The following R3HCC1L variants were observed in gnomAD, a reference collection of about 807,000 sequenced individuals.
R3HCC1L encodes R3H domain and coiled-coil containing 1 like.
A neutral mutation model predicts 59.9 loss-of-function variants in R3HCC1L; 51 were observed. That is an observed-to-expected ratio of 0.85 (90% CI 0.68 to 1.07). The LOEUF is 1.07. R3HCC1L is among the 50% of genes least tolerant of loss of function. The probability of loss-of-function intolerance (pLI) is 0.00; values close to 1 mark genes in which losing one functional copy is unlikely to be tolerated. For synonymous variants in R3HCC1L, 322 were observed against 315.2 expected (o/e 1.02, Z -0.23); for missense variants, 965 against 933.0 (o/e 1.03, Z -0.45).
chr10:98,136,700 A>G (rs1844620378), intron 1 of R3HCC1L, among the ~76,000 whole-genome samples: 1 of 152,032 alleles, frequency 6.6e-6, no homozygotes, highest in Non-Finnish European at 1.5e-5. Flanking sequence ...AACCAGGTGT[A>G]GTGGTGCACG....
At chr10:98,176,100 C>A (rs926503359) in intron 4 of R3HCC1L, among the ~76,000 whole-genome samples, 1 of 152,004 alleles carries the variant, frequency 6.6e-6, no homozygotes, top group African/African-American at 2.4e-5. Context: ...TGTGAGTCTT[C>A]TTCTGGACTC....
intron 4 of R3HCC1L, among the ~76,000 whole-genome samples, chr10:98,205,717 TA>T (rs1590700907): frequency 2.0e-5 from 3 of 152,188 alleles, no homozygotes; most frequent in Non-Finnish European, 4.4e-5. Flanking sequence ...GAAATAGTAT[TA>T]CATGTGAGCA....
rs536720944 is a variant in R3HCC1L at position 98,153,066 on chromosome 10, G to C, written c.-267-3027G>C. 4.6e-4 allele frequency among the ~76,000 whole-genome samples: 70 copies of C among 152,314 alleles called. 1 individual carries two copies. The highest frequency in any genetic ancestry group is 1.6e-3 in the African/African-American group (67 of 41,584). ...GCCTCTGCCCGGCCGCCCCTTCTGG[G>C]AAGTGAGGAGCCCCTATACCCGGCC... On this transcript the variant is annotated intron_variant, in intron 1 of 9. Transcript: ENST00000298999.
Position 98,209,012 on chromosome 10 carries a change from T to C in R3HCC1L, c.898T>C (p.Leu300=), listed in dbSNP as rs770994807. Reference sequence around the variant, plus strand: ...TATAGCCAATAGTACAGGTTTCATCTTAGATCAAAAAGATACAGATTCCAT... The same window carrying C: ...TATAGCCAATAGTACAGGTTTCATCCTAGATCAAAAAGATACAGATTCCAT... ...GGIANSTGFI[L]DQKDTDSIPA... is the part of the protein sequence containing the mutation. Residue 300 remains leucine (L), a synonymous_variant, in exon 5 of 10, where the codon TTA becomes CTA. Coordinates refer to ENST00000298999, the MANE Select transcript of R3HCC1L (RefSeq NM_001351015.2). 1 of 1,613,922 alleles carries C rather than the reference T, an allele frequency of 6.2e-7. No homozygotes were observed.
At chr10:98,160,421 TAA>T (rs1236837574) in intron 2 of R3HCC1L, among the ~76,000 whole-genome samples, 1 of 152,236 alleles carries the variant, frequency 6.6e-6, no homozygotes, top group Non-Finnish European at 1.5e-5. Flanking sequence ...TGAAATATTT[TAA>T]GTGTATTAGA....
intron 1 of R3HCC1L, among the ~76,000 whole-genome samples, chr10:98,154,994 G>A (rs1237094510): frequency 2.6e-5 from 4 of 152,160 alleles, no homozygotes; most frequent in African/African-American, 9.6e-5. Context: ...TAACATTAGT[G>A]TTGGCCAAAA....
chr10:98,208,016 C>T (rs1464618474), intron 4 of R3HCC1L, 85 bp from the exon 5 acceptor site: 2 of 1,275,574 alleles, frequency 1.6e-6, no homozygotes, highest in African/African-American at 3.0e-5. Context: ...CAGTGTGAGA[C>T]TCTGTCCCAA....
chr10:98,237,035 G>T lies in R3HCC1L; in HGVS notation c.2269+871G>T, dbSNP rs74647177. 3.3e-5 allele frequency among the ~76,000 whole-genome samples: 5 copies of T among 152,250 alleles called. No individual in the cohort carries two copies. In the South Asian group the frequency reaches 1.0e-3, roughly 32 times the overall value. ...GCTGGTCTAACAAGGCCATTAATACGTCCTGTCCTCTCTGCTTTAGTGATA... is the reference window on the plus strand; with the variant it reads ...GCTGGTCTAACAAGGCCATTAATACTTCCTGTCCTCTCTGCTTTAGTGATA... On this transcript the variant is annotated intron_variant, in intron 9 of 9. Transcript: ENST00000298999.
chr10:98,180,467 C>G (rs1278398854), intron 4 of R3HCC1L, among the ~76,000 whole-genome samples: 1 of 152,128 alleles, frequency 6.6e-6, no homozygotes, highest in Non-Finnish European at 1.5e-5. Context: ...CTGAGGAGTG[C>G]TTTACTTCCA....
At chr10:98,227,311 A>G (rs981258708) in intron 5 of R3HCC1L, among the ~76,000 whole-genome samples, 1 of 152,228 alleles carries the variant, frequency 6.6e-6, no homozygotes, top group Admixed American at 6.5e-5. Context: ...GGAATAAATA[A>G]TAATTTTTAT....
At chr10:98,216,414 T>G (rs116221084) in intron 5 of R3HCC1L, among the ~76,000 whole-genome samples, 3,774 of 150,752 alleles carry the variant, frequency 0.025, 148 homozygotes, top group African/African-American at 0.082. Flanking sequence ...CTGGGGAGGG[T>G]GAGGTGGAAG....
intron 4 of R3HCC1L, among the ~76,000 whole-genome samples, chr10:98,169,873 C>A (rs1461220790): frequency 6.6e-6 from 1 of 151,228 alleles, no homozygotes; most frequent in African/African-American, 2.4e-5. Context: ...TTATTACTCA[C>A]CTAACACAAC....
intron 4 of R3HCC1L, among the ~76,000 whole-genome samples, chr10:98,200,695 G>A (rs1326736282): frequency 6.6e-6 from 1 of 152,048 alleles, no homozygotes; most frequent in Non-Finnish European, 1.5e-5. Context: ...GCACAAAAAA[G>A]GGGACATATA....
rs566250761 is a variant in R3HCC1L, at chr10:98,149,106, G to C, written c.-267-6987G>C. ...GGTTCAATCTTGATAGGTTGTATGT[G>C]TCCAGGAATTTATCCATTTCTTCCA... On this transcript the variant is annotated intron_variant, in intron 1 of 9. Transcript: ENST00000298999. 2.6e-5 allele frequency among the ~76,000 whole-genome samples: 4 copies of C among 152,170 alleles called. No homozygotes were observed. In the South Asian group the frequency reaches 8.3e-4, roughly 32 times the overall value.
At chr10:98,169,039 G>C (rs550145964) in intron 4 of R3HCC1L, among the ~76,000 whole-genome samples, 1 of 152,286 alleles carries the variant, frequency 6.6e-6, no homozygotes, top group South Asian at 2.1e-4. Context: ...AGGTGAATGA[G>C]GAAGTTTCAG....
At chr10:98,169,903 TGGAGTGAGTGC>T (rs1564641463) in intron 4 of R3HCC1L, among the ~76,000 whole-genome samples, 4 of 145,512 alleles carry the variant, frequency 2.7e-5, no homozygotes, top group Non-Finnish European at 4.5e-5. Flanking sequence ...TTTTTTTTTT[TGGAGTGAGTGC>T]TTTTTTTTGG....
intron 1 of R3HCC1L, among the ~76,000 whole-genome samples, chr10:98,146,950 T>C (rs956841298): frequency 6.6e-6 from 1 of 152,216 alleles, no homozygotes; most frequent in Non-Finnish European, 1.5e-5. Flanking sequence ...GATCATATGA[T>C]GACTCTATTT....
intron 4 of R3HCC1L, among the ~76,000 whole-genome samples, chr10:98,173,976 C>T (rs1848761269): frequency 6.6e-6 from 1 of 152,134 alleles, no homozygotes; most frequent in Non-Finnish European, 1.5e-5. Context: ...AGGAATATTG[C>T]CCACCTGCTA....
At chr10:98,243,632 G>A (rs1217962433) in intron 9 of R3HCC1L, among the ~76,000 whole-genome samples, 1 of 152,156 alleles carries the variant, frequency 6.6e-6, no homozygotes, top group Non-Finnish European at 1.5e-5. Flanking sequence ...TTAGAGAGGA[G>A]ATATGAGTAA....
Sources: gnomAD v4.1 joint callset for allele counts (sites outside exome capture counted in the v4.1 genomes callset) on GRCh38, gnomAD v4.1.1 for gene constraint, MANE v1.5 for transcripts, NCBI Gene and HGNC (gene_info 2026-07-23, HGNC 2026-07-21) for gene names.